LMTK2: variants seen among roughly 807,000 people sequenced by gnomAD.
LMTK2 encodes serine/threonine-protein kinase LMTK2.
Under a neutral mutation model 127.5 loss-of-function variants are expected in LMTK2, and 37 were observed. The observed-to-expected ratio is 0.29, with a 90% CI of 0.22 to 0.38. The LOEUF (loss-of-function observed/expected upper bound fraction) is 0.38. Ranked by LOEUF, LMTK2 falls within the 10% of genes least tolerant of loss-of-function variation. The pLI is 1.00. For missense variants in LMTK2, 1,694 were observed against 1,920.3 expected (o/e 0.88, Z 2.20); for synonymous variants, 819 against 810.1 (o/e 1.01, Z -0.19).
intron 13 of LMTK2, 97 bp from the exon 14 acceptor site, chr7:98,205,367 C>T (rs2116488362): frequency 6.9e-7 from 1 of 1,457,670 alleles, no homozygotes; most frequent in Non-Finnish European, 9.6e-7. Context: ...ACACCCGCTT[C>T]CGTTCCTGTG....
Position 98,194,500 on chromosome 7 carries a change from G to A in LMTK2, c.4035G>A (p.Leu1345=). 2 of 1,613,622 alleles carry A rather than the reference G, an allele frequency of 1.2e-6. No individual in the cohort carries two copies. The highest frequency in any genetic ancestry group is 1.7e-6 in the Non-Finnish European group (2 of 1,180,042). ...CAGCGGCCAATGCCCCCGACCCACT[G>A]CCCGAGGACTGGAAGAAGGAAAAGA... ...KPTAANAPDP[L]PEDWKKEKKA... The change falls in exon 11 of 14, where the codon CTG becomes CTA. Residue 1345 remains leucine (L), a synonymous_variant. Transcript: ENST00000297293. The surrounding 1 kb of genome is among the most constrained non-coding windows in gnomAD (Gnocchi z 5.4).
intron 7 of LMTK2, among the ~76,000 whole-genome samples, chr7:98,172,784 C>T (rs779993779): frequency 9.2e-5 from 14 of 151,800 alleles, no homozygotes; most frequent in Non-Finnish European, 1.3e-4. Context: ...TTTTTTGAGA[C>T]GGAGTCTCTG....
chr7:98,192,420 T>C lies in LMTK2; in HGVS notation c.1955T>C (p.Phe652Ser), dbSNP rs1797543646. 12 of 1,611,322 alleles carry C rather than the reference T, an allele frequency of 7.4e-6. No individual in the cohort carries two copies. Among genetic ancestry groups the C allele is most frequent in the Non-Finnish European group, 1.0e-5 (12 of 1,179,428 alleles). The change falls in exon 11 of 14, where the codon TTC becomes TCC. Residue 652 changes from phenylalanine (F) to serine (S), a missense_variant. By Grantham distance (155) the Phe-to-Ser change is radical. Coordinates refer to ENST00000297293, the MANE Select transcript of LMTK2 (RefSeq NM_014916.4). ...SEDLPSHQKI[F>S]DLMELNGVQA... ...GATTTGCCCAGTCACCAAAAAATAT[T>C]CGACTTAATGGAATTAAACGGAGTT...
intron 7 of LMTK2, among the ~76,000 whole-genome samples, chr7:98,180,566 T>C (rs1797340707): frequency 6.6e-6 from 1 of 152,240 alleles, no homozygotes; most frequent in African/African-American, 2.4e-5. Flanking sequence ...AAATAAATTC[T>C]ATAATTGTTC....
chr7:98,111,531 A>G (rs1223228117), intron 1 of LMTK2, among the ~76,000 whole-genome samples: 1 of 152,188 alleles, frequency 6.6e-6, no homozygotes, highest in Non-Finnish European at 1.5e-5. Context: ...CTGCCGCTGG[A>G]ATAGCTTAAG....
chr7:98,190,581 AAACAAC>A (rs778796219), intron 9 of LMTK2, 141 bp from the exon 10 acceptor site: 2 of 823,984 alleles, frequency 2.4e-6, no homozygotes, highest in African/African-American at 1.7e-5. Context: ...CTCTGTCTTA[AAACAAC>A]AACAACAACA....
Position 98,171,769 on chromosome 7 carries a change from G to T in LMTK2, c.791+95G>T. ...TTGTGAAACTTAAGGAGGACAGGAG[G>T]TGGCAGAATGAACCCAGCTCATGTA... On this transcript the variant is annotated intron_variant, in intron 7 of 13. Transcript: ENST00000297293. The surrounding 1 kb of genome is among the most constrained non-coding windows in gnomAD (Gnocchi z 5.1). The T allele has an allele frequency of 7.4e-7, 1 of 1,358,952 alleles. No homozygotes were observed. Among genetic ancestry groups the T allele is most frequent in the African/African-American group, 1.5e-5 (1 of 68,360 alleles). 84.2% of individuals were successfully genotyped at this position (1,358,952 alleles called of 1,614,324 possible).
Position 98,137,358 on chromosome 7 carries a change from C to A in LMTK2, c.147C>A (p.Ile49=). 1 of 1,613,576 alleles carries A rather than the reference C, an allele frequency of 6.2e-7. No individual in the cohort carries two copies. The highest frequency in any genetic ancestry group is 1.1e-5 in the South Asian group (1 of 90,874). The part of the protein sequence containing the change: ...PAAEVSSSFV[I]LCVCSLIILI... ...CAGAAGTTTCCTCATCTTTTGTGAT[C>A]CTGTGTGTGTGCAGTTTAATAATAT... The change falls in exon 2 of 14, where the codon ATC becomes ATA. Residue 49 remains isoleucine (I), a synonymous_variant. Coordinates refer to ENST00000297293, the MANE Select transcript of LMTK2 (RefSeq NM_014916.4).
intron 1 of LMTK2, among the ~76,000 whole-genome samples, chr7:98,127,641 G>A (rs1438310717): frequency 6.6e-6 from 1 of 152,212 alleles, no homozygotes; most frequent in African/African-American, 2.4e-5. Flanking sequence ...CTGCCAGTGG[G>A]ATTGGCTTTC....
chr7:98,205,568 C>T lies in LMTK2; in HGVS notation c.*76C>T, dbSNP rs1797779684. The T allele has an allele frequency of 4.1e-6, 6 of 1,462,432 alleles. No homozygotes were observed. Among genetic ancestry groups the T allele is most frequent in the African/African-American group, 1.4e-5 (1 of 71,880 alleles). The allele number at this position is 1,462,432 out of a possible 1,614,324, so 90.6% of individuals were successfully genotyped here. A position where few individuals can be genotyped will look rare whatever the true frequency, so the allele number is the denominator to read the frequency against. On this transcript the variant is annotated 3_prime_UTR_variant, in exon 14 of 14. Coordinates refer to ENST00000297293, the MANE Select transcript of LMTK2 (RefSeq NM_014916.4). ...GCCCCTGCGCCCTCAGCCCGAGCAG[C>T]GACATCCACTCGCCATTTGCTGACA...
chr7:98,164,253 C>T (rs965557438), intron 6 of LMTK2, among the ~76,000 whole-genome samples: 2 of 152,160 alleles, frequency 1.3e-5, no homozygotes, highest in African/African-American at 2.4e-5. Context: ...AGGTACACGC[C>T]GCTCTCACGT....
intron 4 of LMTK2, among the ~76,000 whole-genome samples, chr7:98,152,680 G>A (rs1300702967): frequency 1.3e-5 from 2 of 152,186 alleles, no homozygotes; most frequent in Non-Finnish European, 2.9e-5. Flanking sequence ...GGTGATCTGG[G>A]ATATTGTGTG....
chr7:98,172,530 C>A (rs1056682242), intron 7 of LMTK2, among the ~76,000 whole-genome samples: 1 of 152,072 alleles, frequency 6.6e-6, no homozygotes. Context: ...GTTCTGTGAA[C>A]CCAAAAGGAG....
Position 98,190,729 on chromosome 7 carries a change from T to G in LMTK2, c.1000T>G (p.Ser334Ala), listed in dbSNP as rs752578206. ...ADQTKYSNIWSLGVTLWELFD... is the reference protein window; with the variant it reads ...ADQTKYSNIWALGVTLWELFD... Reference sequence around the variant, plus strand: ...ACAGCCATTTTCTTTTTCCAACAGGTCTCTGGGTGTGACACTTTGGGAGCT... The same window carrying G: ...ACAGCCATTTTCTTTTTCCAACAGGGCTCTGGGTGTGACACTTTGGGAGCT... Residue 334 changes from serine to alanine, a missense_variant and splice_region_variant, in exon 10 of 14, where the codon TCT becomes GCT. Around this residue, in one of 8 missense-constraint regions of LMTK2, gnomAD observed 47 missense variants for 95.4 expected, o/e 0.49. Coordinates refer to ENST00000297293, the MANE Select transcript of LMTK2 (RefSeq NM_014916.4). 2 of 1,614,110 alleles carry G rather than the reference T, an allele frequency of 1.2e-6. No individual in the cohort carries two copies. Among genetic ancestry groups the G allele is most frequent in the Middle Eastern group, 1.6e-4 (1 of 6,062 alleles).
At chr7:98,113,350 C>T (rs573178029) in intron 1 of LMTK2, among the ~76,000 whole-genome samples, 19 of 152,176 alleles carry the variant, frequency 1.2e-4, no homozygotes, top group Non-Finnish European at 1.9e-4. Context: ...GAGGCCTCCC[C>T]AGCCATGTGG....
In LMTK2 at chr7:98,185,010, T is replaced by G. The variant is rs758335505; in HGVS notation, c.792-41T>G. ...CATTTCCATACAGCATGATCCTGGT[T>G]GTTGATTCTTCTTGCCATGTTCACT... On this transcript the variant is annotated intron_variant, in intron 7 of 13. Coordinates refer to ENST00000297293, the MANE Select transcript of LMTK2 (RefSeq NM_014916.4). The G allele has an allele frequency of 2.1e-6, 3 of 1,419,614 alleles. No individual in the cohort carries two copies. The Admixed American group carries it at 5.0e-5, about 24-fold the overall frequency. 87.9% of individuals were successfully genotyped at this position (1,419,614 alleles called of 1,614,324 possible). A position where few individuals can be genotyped will look rare whatever the true frequency, so the allele number is the denominator to read the frequency against.
At chr7:98,162,319 A>C (rs1177122260) in intron 6 of LMTK2, among the ~76,000 whole-genome samples, 1 of 152,232 alleles carries the variant, frequency 6.6e-6, no homozygotes, top group Non-Finnish European at 1.5e-5. Context: ...CATTGTACAG[A>C]CATCTTTATG....
At position 98,107,249 on chromosome 7, in the gene LMTK2, T is replaced by C; in HGVS notation, c.72T>C (p.Ala24=). Residue 24 remains alanine, a synonymous_variant, in exon 1 of 14, where the codon GCT becomes GCC. Coordinates refer to ENST00000297293, the MANE Select transcript of LMTK2 (RefSeq NM_014916.4). ...TGGTCCTCCTGATCGCCGGCAGTGC[T>C]GGGGCCGCGCCACTTCCGCAAACAG... ...LLLVLLIAGS[A]GAAPLPQTGA... 1.4e-6 allele frequency: 2 copies of C among 1,441,756 alleles called. No homozygotes were observed. Among genetic ancestry groups the C allele is most frequent in the Admixed American group, 2.7e-5 (1 of 36,520 alleles). 89.3% of individuals were successfully genotyped at this position (1,441,756 alleles called of 1,614,324 possible). A position where few individuals can be genotyped will look rare whatever the true frequency, so the allele number is the denominator to read the frequency against.
At position 98,209,316 on chromosome 7, in the gene LMTK2, G is replaced by T. The variant is rs556798239; in HGVS notation, c.*3824G>T. ...AGATCAGTTTGACCGGTGTGGACAC[G>T]TGCTGGTTAAGCACTCAGGCCTACG... is the stretch of plus-strand genomic sequence containing the variant. On this transcript the variant is annotated 3_prime_UTR_variant, in exon 14 of 14. Coordinates refer to ENST00000297293, the MANE Select transcript of LMTK2 (RefSeq NM_014916.4). The T allele has an allele frequency of 6.6e-6, 1 of 152,196 alleles. No homozygotes were observed. The highest frequency in any genetic ancestry group is 2.4e-5 in the African/African-American group (1 of 41,436). 9.4% of individuals were successfully genotyped at this position (152,196 alleles called of 1,614,324 possible). A position where few individuals can be genotyped will look rare whatever the true frequency, so the allele number is the denominator to read the frequency against.
Sources: allele counts gnomAD v4.1 joint callset (sites outside exome capture counted in the v4.1 genomes callset), GRCh38; gene constraint gnomAD v4.1.1; regional missense constraint gnomAD v4.1.1; non-coding constraint Gnocchi (gnomAD v3.1); transcripts MANE v1.5; gene names NCBI Gene and HGNC (gene_info 2026-07-23, HGNC 2026-07-21).